The following ACYP2 variants were observed in gnomAD, a reference collection of about 807,000 sequenced individuals.
The protein encoded by ACYP2 is acylphosphatase 2, also known as acylphosphatase-2.
A neutral mutation model predicts 11.2 loss-of-function variants in ACYP2; 12 were observed. That is an observed-to-expected ratio of 1.08 (90% CI 0.69 to 1.74). The LOEUF (loss-of-function observed/expected upper bound fraction) is 1.74, where lower values mean the gene tolerates loss of function less well. Ranked by LOEUF, ACYP2 falls within the 40% of genes most tolerant of loss-of-function variation. ACYP2 has a pLI of 0.00. For synonymous variants in ACYP2, 43 were observed against 32.2 expected (o/e 1.33, Z -1.13); for missense variants, 134 against 101.9 (o/e 1.31, Z -1.35).
At chr2:54,262,924 A>G (rs1328185246) in intron 6 of ACYP2, among the ~76,000 whole-genome samples, 4 of 152,134 alleles carry the variant, frequency 2.6e-5, no homozygotes, top group Non-Finnish European at 5.9e-5. Context: ...TATGTATGTG[A>G]TAGAAGGTTT....
chr2:53,990,966 T>A (rs961521186), intron 2 of ACYP2, among the ~76,000 whole-genome samples: 1 of 152,000 alleles, frequency 6.6e-6, no homozygotes, highest in Non-Finnish European at 1.5e-5. Context: ...CCGGCTAATT[T>A]TTTATATTTT....
At chr2:54,165,105 C>A (rs1427445409) in intron 6 of ACYP2, among the ~76,000 whole-genome samples, 1 of 151,998 alleles carries the variant, frequency 6.6e-6, no homozygotes, top group East Asian at 1.9e-4. Context: ...TTTATCCAGT[C>A]TCTTATTGAT....
chr2:54,177,289 C>T (rs1294859291), intron 6 of ACYP2, among the ~76,000 whole-genome samples: 1 of 152,168 alleles, frequency 6.6e-6, no homozygotes, highest in Non-Finnish European at 1.5e-5. Context: ...TATCCCTCGT[C>T]ACCAGGCTGT....
intron 6 of ACYP2, among the ~76,000 whole-genome samples, chr2:54,149,554 GTTAAA>G (rs1281210231): frequency 1.3e-5 from 2 of 151,930 alleles, no homozygotes; most frequent in African/African-American, 4.8e-5. Flanking sequence ...TAGTAATCAT[GTTAAA>G]TTAATGTACA....
At chr2:54,300,813 T>C (rs1395399698) in intron 6 of ACYP2, among the ~76,000 whole-genome samples, 6 of 152,210 alleles carry the variant, frequency 3.9e-5, no homozygotes, top group Non-Finnish European at 8.8e-5. Flanking sequence ...GCACTCCCAT[T>C]ACCAATGTAG....
intron 4 of ACYP2, among the ~76,000 whole-genome samples, chr2:54,094,394 A>AT (rs1678401635): frequency 6.6e-6 from 1 of 151,580 alleles, no homozygotes; most frequent in African/African-American, 2.4e-5. Flanking sequence ...TGCCTAGCTA[A>AT]TTTTTTTGTA....
intron 6 of ACYP2, chr2:54,254,957 C>A (rs1423931033): frequency 6.2e-7 from 1 of 1,613,546 alleles, no homozygotes; most frequent in African/African-American, 1.3e-5. Context: ...GGGATCTCCA[C>A]TGGCTCCCTT....
chr2:54,246,176 G>T (rs1287953405), intron 6 of ACYP2, among the ~76,000 whole-genome samples: 1 of 152,094 alleles, frequency 6.6e-6, no homozygotes, highest in African/African-American at 2.4e-5. Flanking sequence ...TAGATAAATG[G>T]ATTAATTTCT....
At chr2:54,175,039 C>T (rs909774888) in intron 6 of ACYP2, among the ~76,000 whole-genome samples, 1 of 152,162 alleles carries the variant, frequency 6.6e-6, no homozygotes, top group African/African-American at 2.4e-5. Flanking sequence ...TGATGCTGGC[C>T]TCATGAAATG....
At chr2:54,021,319 T>C (rs1026782408) in intron 2 of ACYP2, among the ~76,000 whole-genome samples, 1 of 152,114 alleles carries the variant, frequency 6.6e-6, no homozygotes, top group African/African-American at 2.4e-5. Flanking sequence ...GTGGAAAAGA[T>C]TGTTTACTGA....
intron 4 of ACYP2, among the ~76,000 whole-genome samples, chr2:54,071,033 T>C (rs1677015436): frequency 6.6e-6 from 1 of 152,168 alleles, no homozygotes; most frequent in South Asian, 2.1e-4. Context: ...ATTACAGGCA[T>C]AAGACACTGC....
intron 3 of ACYP2, among the ~76,000 whole-genome samples, chr2:54,055,893 G>A (rs1056253534): frequency 6.6e-6 from 1 of 152,164 alleles, no homozygotes; most frequent in Non-Finnish European, 1.5e-5. Context: ...ATAATGTGTA[G>A]TACTGTCAGA....
chr2:54,121,076 T>C (rs966066787), intron 4 of ACYP2, among the ~76,000 whole-genome samples: 1 of 152,162 alleles, frequency 6.6e-6, no homozygotes. Context: ...ACAGCTCTTT[T>C]TGCACCTGCC....
At chr2:54,062,170 C>T (rs1410040932) in intron 4 of ACYP2, among the ~76,000 whole-genome samples, 1 of 152,128 alleles carries the variant, frequency 6.6e-6, no homozygotes, top group Non-Finnish European at 1.5e-5. Flanking sequence ...GAGGGAGTAA[C>T]ATCTGGGGGT....
intron 6 of ACYP2, among the ~76,000 whole-genome samples, chr2:54,144,948 T>G (rs1032882595): frequency 1.3e-5 from 2 of 152,128 alleles, no homozygotes; most frequent in Non-Finnish European, 2.9e-5. Flanking sequence ...GAGTCCTAGT[T>G]GCCGTTGTTT....
intron 6 of ACYP2, among the ~76,000 whole-genome samples, chr2:54,271,599 C>A (rs1324032331): frequency 6.6e-6 from 1 of 152,002 alleles, no homozygotes; most frequent in African/African-American, 2.4e-5. Flanking sequence ...ATTATCCATA[C>A]AAACCCTAGC....
At chr2:54,260,380 C>A (rs1049499378) in intron 6 of ACYP2, among the ~76,000 whole-genome samples, 1 of 151,910 alleles carries the variant, frequency 6.6e-6, no homozygotes, top group Non-Finnish European at 1.5e-5. Context: ...TATTGTCAGA[C>A]AATGTTAAAG....
chr2:54,269,504 A>G (rs930150335), intron 6 of ACYP2, among the ~76,000 whole-genome samples: 1 of 152,222 alleles, frequency 6.6e-6, no homozygotes, highest in African/African-American at 2.4e-5. Flanking sequence ...CCCATAGACA[A>G]AGGTATAACC....
At position 54,305,094 on chromosome 2, in the gene ACYP2, T is replaced by C; in HGVS notation, c.*292T>C. The stretch of plus-strand genomic sequence containing the variant: ...TTTAATTTCAATGAACATTACAGCA[T>C]ATATATGTTATTTGGCGAGACATCA... On this transcript the variant is annotated 3_prime_UTR_variant, in exon 7 of 7. Transcript: ENST00000607452. 5.1e-6 allele frequency: 1 copy of C among 197,292 alleles called. No homozygotes were observed. The highest frequency in any genetic ancestry group is 1.0e-5 in the Non-Finnish European group (1 of 98,166). The allele number at this position is 197,292 out of a possible 1,614,324, so 12.2% of individuals were successfully genotyped here.
Sources: allele counts gnomAD v4.1 joint callset (sites outside exome capture counted in the v4.1 genomes callset), GRCh38; gene constraint gnomAD v4.1.1; transcripts MANE v1.5; gene names NCBI Gene and HGNC (gene_info 2026-07-23, HGNC 2026-07-21).